The following TMEM182 variants were observed in gnomAD, a reference collection of about 807,000 sequenced individuals.
The protein encoded by TMEM182 is transmembrane protein 182.
A neutral mutation model predicts 26.8 loss-of-function variants in TMEM182; 20 were observed. The observed-to-expected ratio is 0.75, with a 90% CI of 0.53 to 1.09. TMEM182 has a LOEUF of 1.09. Among genes scored for constraint, TMEM182 ranks in the 50% least tolerant of loss-of-function variants. The pLI, the probability that TMEM182 is intolerant of heterozygous loss-of-function variation, is 0.00. For synonymous variants in TMEM182, 109 were observed against 102.2 expected, an observed-to-expected ratio of 1.07 and a Z score of -0.40; for missense variants, 277 against 275.5, an observed-to-expected ratio of 1.01 and a Z score of -0.04.
intron 1 of TMEM182, among the ~76,000 whole-genome samples, chr2:102,738,817 A>G (rs1381250616): frequency 6.6e-6 from 1 of 152,176 alleles, no homozygotes; most frequent in East Asian, 1.9e-4. Flanking sequence ...GTTGGTTGAA[A>G]TTTAGACTCA....
chr2:102,842,859 C>T (rs552043664), intron 3 of TMEM182, among the ~76,000 whole-genome samples: 3 of 152,212 alleles, frequency 2.0e-5, no homozygotes, highest in East Asian at 1.9e-4. Context: ...CAACCAACAA[C>T]GGACCACCCT....
At chr2:102,776,782 T>A (rs1680934272) in intron 3 of TMEM182, among the ~76,000 whole-genome samples, 1 of 152,168 alleles carries the variant, frequency 6.6e-6, no homozygotes, top group African/African-American at 2.4e-5. Flanking sequence ...AATGAATGAG[T>A]TACTGTTGTT....
At chr2:102,769,688 T>C (rs1680596231) in intron 3 of TMEM182, among the ~76,000 whole-genome samples, 1 of 152,232 alleles carries the variant, frequency 6.6e-6, no homozygotes. Flanking sequence ...TTGTATTTAC[T>C]CTTTGGGCTA....
intron 1 of TMEM182, among the ~76,000 whole-genome samples, chr2:102,742,465 A>G (rs79553442): frequency 0.016 from 2,503 of 152,298 alleles, 72 homozygotes; most frequent in African/African-American, 0.058. Context: ...ACCCTCTGGT[A>G]TTCTTTTGGA....
At chr2:102,749,535 A>G (rs73944412) in intron 1 of TMEM182, among the ~76,000 whole-genome samples, 2,861 of 152,274 alleles carry the variant, frequency 0.019, 70 homozygotes, top group African/African-American at 0.065. Flanking sequence ...CTGTAAATAT[A>G]CTAAAAATCA....
At position 102,811,835 on chromosome 2, in the gene TMEM182, T is replaced by G. The variant is rs553382580; in HGVS notation, c.470-2913T>G. ...TTCTGGGGTAACAAGATTTTCCAGG[T>G]TCATCTTGTATTTTATGCCCCAGCC... On this transcript the variant is annotated intron_variant, in intron 4 of 4. Transcript: ENST00000412401. Among the ~76,000 whole-genome samples the G allele has an allele frequency of 1.1e-4, 17 of 152,302 alleles. No individual in the cohort carries two copies. The South Asian group carries it at 3.3e-3, about 30-fold the overall frequency.
At chr2:102,775,998 T>C (rs1680899348) in intron 3 of TMEM182, among the ~76,000 whole-genome samples, 1 of 152,158 alleles carries the variant, frequency 6.6e-6, no homozygotes, top group African/African-American at 2.4e-5. Context: ...TTATTGCTAG[T>C]ATATAGAAAT....
At chr2:102,793,552 A>G (rs541585365) in intron 3 of TMEM182, among the ~76,000 whole-genome samples, 1 of 152,278 alleles carries the variant, frequency 6.6e-6, no homozygotes, top group Non-Finnish European at 1.5e-5. Flanking sequence ...GAGGATATGA[A>G]AATCTGTGAA....
rs563312011 is a variant in TMEM182, at chr2:102,780,443, C to G, written c.331+16016C>G. Among the ~76,000 whole-genome samples the G allele has an allele frequency of 3.3e-5, 5 of 152,104 alleles. No homozygotes were observed. The South Asian group carries it at 1.0e-3, about 31-fold the overall frequency. On this transcript the variant is annotated intron_variant, in intron 3 of 4. Coordinates refer to ENST00000412401, the MANE Select transcript of TMEM182 (RefSeq NM_144632.5). ...CTGATACCAGTCTCGCTGGGCAAGA[C>G]CTCATTACAGCTCTAACCATAGCTT...
chr2:102,775,872 T>C (rs1332471163), intron 3 of TMEM182, among the ~76,000 whole-genome samples: 1 of 152,176 alleles, frequency 6.6e-6, no homozygotes, highest in Admixed American at 6.5e-5. Flanking sequence ...CTTTCATCAG[T>C]ATTTTGCAGG....
intron 3 of TMEM182, among the ~76,000 whole-genome samples, chr2:102,842,657 G>A (rs1683377698): frequency 2.0e-5 from 3 of 152,174 alleles, no homozygotes; most frequent in African/African-American, 7.2e-5. Context: ...GCCACTGACA[G>A]AAAGCTCCTC....
chr2:102,789,646 T>G (rs1681550200), intron 3 of TMEM182, among the ~76,000 whole-genome samples: 1 of 152,200 alleles, frequency 6.6e-6, no homozygotes, highest in Non-Finnish European at 1.5e-5. Context: ...AATTAGCTTT[T>G]CCTTGTTCTA....
intron 3 of TMEM182, among the ~76,000 whole-genome samples, chr2:102,781,752 T>C (rs1407004193): frequency 6.6e-6 from 1 of 152,154 alleles, no homozygotes; most frequent in Non-Finnish European, 1.5e-5. Context: ...TTGGATTTAG[T>C]AGGTTGTCCA....
At chr2:102,799,185 A>G (rs1003439500) in intron 4 of TMEM182, among the ~76,000 whole-genome samples, 1 of 152,236 alleles carries the variant, frequency 6.6e-6, no homozygotes, top group African/African-American at 2.4e-5. Flanking sequence ...GAGTGCTCCT[A>G]GGTGACACTG....
At chr2:102,772,342 G>A (rs1412450435) in intron 3 of TMEM182, among the ~76,000 whole-genome samples, 1 of 152,146 alleles carries the variant, frequency 6.6e-6, no homozygotes, top group Non-Finnish European at 1.5e-5. Flanking sequence ...ATAGCGGGGA[G>A]GCTAAAAATA....
intron 4 of TMEM182, among the ~76,000 whole-genome samples, chr2:102,801,333 T>C (rs1404144588): frequency 3.9e-5 from 6 of 152,182 alleles, no homozygotes; most frequent in African/African-American, 1.2e-4. Flanking sequence ...ATCCTGAGAC[T>C]GGGCCCAGAA....
At chr2:102,833,620 T>C (rs1268992111) in intron 3 of TMEM182, among the ~76,000 whole-genome samples, 3 of 152,160 alleles carry the variant, frequency 2.0e-5, no homozygotes, top group African/African-American at 4.8e-5. Context: ...AATCCACTAG[T>C]CTTTCCTCCA....
At chr2:102,768,999 C>T (rs1680571679) in intron 3 of TMEM182, among the ~76,000 whole-genome samples, 1 of 152,078 alleles carries the variant, frequency 6.6e-6, no homozygotes, top group African/African-American at 2.4e-5. Flanking sequence ...AATGATGCTG[C>T]CAGGAACCCA....
At chr2:102,771,494 C>T (rs1482766186) in intron 3 of TMEM182, among the ~76,000 whole-genome samples, 1 of 152,176 alleles carries the variant, frequency 6.6e-6, no homozygotes, top group East Asian at 1.9e-4. Flanking sequence ...TAAAAATCAC[C>T]TTTTTTCAGA....
Sources: allele counts gnomAD v4.1 joint callset (sites outside exome capture counted in the v4.1 genomes callset), GRCh38; gene constraint gnomAD v4.1.1; transcripts MANE v1.5; gene names NCBI Gene and HGNC (gene_info 2026-07-23, HGNC 2026-07-21).